The following SPECC1 variants were observed in gnomAD, a reference collection of about 807,000 sequenced individuals.
The protein encoded by SPECC1 is cytospin-B.
Under a neutral mutation model 104.1 loss-of-function variants are expected in SPECC1, and 62 were observed. That is an observed-to-expected ratio of 0.60 (90% CI 0.49 to 0.74). The LOEUF (loss-of-function observed/expected upper bound fraction) is 0.74, where lower values mean the gene tolerates loss of function less well. Ranked by LOEUF, SPECC1 falls within the 30% of genes least tolerant of loss-of-function variation. SPECC1 has a pLI of 0.00. For synonymous variants in SPECC1, 513 were observed against 501.6 expected (o/e 1.02, Z -0.30); for missense variants, 1,306 against 1,310.5 (o/e 1.00, Z 0.05).
intron 3 of SPECC1, among the ~76,000 whole-genome samples, chr17:20,114,033 C>G (rs2048628030): frequency 6.6e-6 from 1 of 152,074 alleles, no homozygotes; most frequent in South Asian, 2.1e-4. Flanking sequence ...GCTGCTAGAA[C>G]CCTACAGTGG....
chr17:20,317,676 T>C lies in SPECC1; in HGVS notation c.*3611T>C, dbSNP rs2042057240. ...AGGAGTTTGAGGCTGCAGTAAGCTG[T>C]GTTTGTGCCACTGCACTCTGGCCTG... On this transcript the variant is annotated 3_prime_UTR_variant, in exon 15 of 15. Coordinates refer to ENST00000395527, the MANE Select transcript of SPECC1 (RefSeq NM_001243439.2). 1 of 205,486 alleles carries C rather than the reference T, an allele frequency of 4.9e-6. No individual in the cohort carries two copies. Among genetic ancestry groups the C allele is most frequent in the Admixed American group, 6.0e-5 (1 of 16,774 alleles). 12.7% of individuals were successfully genotyped at this position (205,486 alleles called of 1,614,324 possible).
At chr17:20,071,010 G>A (rs753522973) in intron 1 of SPECC1, among the ~76,000 whole-genome samples, 8 of 151,756 alleles carry the variant, frequency 5.3e-5, no homozygotes, top group South Asian at 2.1e-4. Context: ...CCAGGTTGAC[G>A]TGTGGTCTTT....
chr17:20,084,337 G>A (rs911189114), intron 1 of SPECC1, among the ~76,000 whole-genome samples: 1 of 152,162 alleles, frequency 6.6e-6, no homozygotes, highest in Non-Finnish European at 1.5e-5. Context: ...GCTGAGGCAG[G>A]AGAATTGCTT....
chr17:20,247,554 A>G (rs1004518615), intron 9 of SPECC1, among the ~76,000 whole-genome samples: 1 of 152,200 alleles, frequency 6.6e-6, no homozygotes, highest in Non-Finnish European at 1.5e-5. Context: ...TCTTGTCTGT[A>G]ACACTGGTTG....
At chr17:20,099,720 AC>A (rs376029988) in intron 2 of SPECC1, among the ~76,000 whole-genome samples, 4,176 of 91,712 alleles carry the variant, frequency 0.046, 782 homozygotes, top group Non-Finnish European at 0.058. Context: ...AAAAAAAAAA[AC>A]CCACAAAATA....
chr17:20,064,029 T>C (rs1048918577), intron 1 of SPECC1, among the ~76,000 whole-genome samples: 1 of 152,218 alleles, frequency 6.6e-6, no homozygotes, highest in Non-Finnish European at 1.5e-5. Flanking sequence ...TGGCAGTCTC[T>C]GGCTGGTGGC....
chr17:20,214,584 T>G (rs563725922), intron 4 of SPECC1, among the ~76,000 whole-genome samples: 1 of 152,324 alleles, frequency 6.6e-6, no homozygotes, highest in African/African-American at 2.4e-5. Context: ...CTTCACGCAC[T>G]GCAGCCTCCA....
intron 3 of SPECC1, among the ~76,000 whole-genome samples, chr17:20,115,470 CAAATAAATAAAT>C (rs535781420): frequency 1.6e-3 from 248 of 151,280 alleles, no homozygotes; most frequent in African/African-American, 5.6e-3. Flanking sequence ...AAGACTGTCT[CAAATAAATAAAT>C]AAATAAATAA....
At chr17:20,132,806 C>G (rs1480645322) in intron 3 of SPECC1, among the ~76,000 whole-genome samples, 2 of 151,882 alleles carry the variant, frequency 1.3e-5, no homozygotes, top group African/African-American at 4.8e-5. Context: ...GTGGCGTGAT[C>G]TCGGCTCACT....
intron 2 of SPECC1, among the ~76,000 whole-genome samples, chr17:20,106,367 G>A (rs543342919): frequency 6.6e-6 from 1 of 152,264 alleles, no homozygotes; most frequent in South Asian, 2.1e-4. Context: ...TTGAGTGAAG[G>A]GATGCTTTTT....
At chr17:20,269,512 G>T (rs1307285126) in intron 12 of SPECC1, among the ~76,000 whole-genome samples, 1 of 152,072 alleles carries the variant, frequency 6.6e-6, no homozygotes, top group Non-Finnish European at 1.5e-5. Context: ...CACAACCTCC[G>T]CTCCCGGGTT....
chr17:20,286,470 A>G (rs1839518831), intron 12 of SPECC1, among the ~76,000 whole-genome samples: 1 of 151,954 alleles, frequency 6.6e-6, no homozygotes, highest in South Asian at 2.1e-4. Context: ...AGCATTGAGG[A>G]CTGTCGCGCA....
intron 13 of SPECC1, 56 bp from the exon 14 acceptor site, chr17:20,305,967 G>A (rs2041749599): frequency 1.3e-6 from 2 of 1,505,456 alleles, no homozygotes; most frequent in East Asian, 2.3e-5. Flanking sequence ...TTCTTTCCTG[G>A]CAAAAGCTAT....
intron 1 of SPECC1, among the ~76,000 whole-genome samples, chr17:20,064,506 G>C (rs2046296612): frequency 6.6e-6 from 1 of 152,300 alleles, no homozygotes; most frequent in African/African-American, 2.4e-5. Flanking sequence ...AGTGTGGGTG[G>C]CAGGTACATG....
intron 13 of SPECC1, among the ~76,000 whole-genome samples, chr17:20,303,932 GAC>G (rs1158425906): frequency 6.6e-6 from 1 of 151,538 alleles, no homozygotes; most frequent in African/African-American, 2.4e-5. Flanking sequence ...CAGCCTGGGT[GAC>G]ACAGCGAGAC....
intron 4 of SPECC1, among the ~76,000 whole-genome samples, chr17:20,224,198 A>G (rs1388672327): frequency 6.6e-6 from 1 of 152,118 alleles, no homozygotes; most frequent in Admixed American, 6.5e-5. Flanking sequence ...CCCTAAACAC[A>G]CAGAGTCTCT....
intron 3 of SPECC1, among the ~76,000 whole-genome samples, chr17:20,144,175 C>CTTTTTTT (rs1168474738): frequency 9.5e-5 from 9 of 94,374 alleles, no homozygotes; most frequent in Non-Finnish European, 1.4e-4. Context: ...TTTTTCTTTT[C>CTTTTTTT]TTTTTTTTTT....
chr17:20,241,931 TC>T (rs1420908647), intron 7 of SPECC1, among the ~76,000 whole-genome samples: 1 of 152,158 alleles, frequency 6.6e-6, no homozygotes, highest in Non-Finnish European at 1.5e-5. Context: ...AGGTGAATAG[TC>T]CAAAACTAGA....
In SPECC1 at chr17:20,253,544, G is replaced by A; in HGVS notation, c.2638G>A (p.Gly880Arg). 2 of 1,614,060 alleles carry A rather than the reference G, an allele frequency of 1.2e-6. No individual in the cohort carries two copies. The highest frequency in any genetic ancestry group is 1.7e-6 in the Non-Finnish European group (2 of 1,180,024). ...CAGCAGTGTGCGGCCAGCCAGCAGA[G>A]GGGTGACTCAACGCTTGGACCTTCC... ...TYSSVRPASR[G>R]VTQRLDLPDL... The change falls in exon 10 of 15, where the codon GGG (glycine) becomes AGG (arginine). Residue 880 changes from glycine to arginine, a missense_variant. By Grantham distance (125) the Gly-to-Arg change is moderately radical (BLOSUM62 -2). Around this residue, in one of 2 missense-constraint regions of SPECC1, gnomAD observed 1,177 missense variants for 1,139.9 expected, o/e 1.03. Transcript: ENST00000395527.
Sources: gnomAD v4.1 joint callset for allele counts (sites outside exome capture counted in the v4.1 genomes callset) on GRCh38, gnomAD v4.1.1 for gene constraint, gnomAD v4.1.1 regional missense constraint, MANE v1.5 for transcripts, NCBI Gene and HGNC (gene_info 2026-07-23, HGNC 2026-07-21) for gene names.